The following GRAMD1C variants were observed in gnomAD, a reference collection of about 807,000 sequenced individuals.
GRAMD1C encodes protein Aster-C.
GRAMD1C carries 89 observed loss-of-function variants against 97.8 expected under a neutral mutation model. That is an observed-to-expected ratio of 0.91 (90% CI 0.77 to 1.09). The LOEUF (loss-of-function observed/expected upper bound fraction) is 1.09, where lower values mean the gene tolerates loss of function less well. Among genes scored for constraint, GRAMD1C ranks in the 50% least tolerant of loss-of-function variants. The pLI, the probability that GRAMD1C is intolerant of heterozygous loss-of-function variation, is 0.00. For synonymous variants in GRAMD1C, 256 were observed against 267.0 expected (o/e 0.96, Z 0.40); for missense variants, 740 against 766.4 (o/e 0.97, Z 0.41).
At chr3:113,868,976 G>A (rs1934688695) in intron 2 of GRAMD1C, among the ~76,000 whole-genome samples, 1 of 151,272 alleles carries the variant, frequency 6.6e-6, no homozygotes, top group African/African-American at 2.5e-5. Context: ...GCTTGGATTG[G>A]TACAGAGTTT....
chr3:113,927,259 A>G (rs1403978866), intron 10 of GRAMD1C, among the ~76,000 whole-genome samples: 2 of 151,966 alleles, frequency 1.3e-5, no homozygotes, highest in African/African-American at 4.8e-5. Flanking sequence ...GTGAAAAGGG[A>G]AAGTGATGAC....
At chr3:113,879,493 A>G (rs1935180317) in intron 5 of GRAMD1C, among the ~76,000 whole-genome samples, 1 of 151,828 alleles carries the variant, frequency 6.6e-6, no homozygotes, top group Non-Finnish European at 1.5e-5. Flanking sequence ...ACTCTTCACC[A>G]TGTTTGGTCT....
chr3:113,906,737 C>T (rs1272666004), intron 8 of GRAMD1C, among the ~76,000 whole-genome samples: 1 of 152,172 alleles, frequency 6.6e-6, no homozygotes, highest in African/African-American at 2.4e-5. Context: ...CAGGCCTTCA[C>T]ATTCACTCAC....
At chr3:113,843,481 T>A (rs542001893) in intron 1 of GRAMD1C, among the ~76,000 whole-genome samples, 4 of 152,016 alleles carry the variant, frequency 2.6e-5, no homozygotes, top group Admixed American at 6.6e-5. Flanking sequence ...AATTACCCGA[T>A]GGGCCCATAT....
intron 3 of GRAMD1C, among the ~76,000 whole-genome samples, chr3:113,872,112 C>G (rs1225667681): frequency 6.6e-6 from 1 of 151,998 alleles, no homozygotes; most frequent in East Asian, 1.9e-4. Flanking sequence ...GTAATACAGT[C>G]CCATGATAAA....
At chr3:113,884,555 G>A (rs923717625) in intron 6 of GRAMD1C, among the ~76,000 whole-genome samples, 3 of 152,138 alleles carry the variant, frequency 2.0e-5, no homozygotes, top group Non-Finnish European at 2.9e-5. Context: ...ATTAGAGGCC[G>A]GGCGCGGTGG....
intron 15 of GRAMD1C, 154 bp from the exon 16 acceptor site, chr3:113,939,732 A>T: frequency 1.9e-6 from 1 of 536,254 alleles, no homozygotes; most frequent in Non-Finnish European, 3.3e-6. Context: ...TAATTATTTC[A>T]TATAATAAAA....
chr3:113,912,633 T>C (rs1345343275), intron 9 of GRAMD1C, among the ~76,000 whole-genome samples: 3 of 151,746 alleles, frequency 2.0e-5, no homozygotes, highest in African/African-American at 4.8e-5. Context: ...CGCAGGAGGC[T>C]GAAGCAGGAG....
chr3:113,891,813 G>A lies in GRAMD1C; in HGVS notation c.540+8981G>A, dbSNP rs183183437. On this transcript the variant is annotated intron_variant, in intron 6 of 17. Coordinates refer to ENST00000358160, the MANE Select transcript of GRAMD1C (RefSeq NM_017577.5). ...GAGGTAGGAGGATCACTTGAGCCCA[G>A]GAGGCTGAGGCTGCAGTGAGCTGTG... Among the ~76,000 whole-genome samples, 149 of 152,202 alleles carry A rather than the reference G, an allele frequency of 9.8e-4. 2 individuals are homozygous for A. In the East Asian group the frequency reaches 0.024, roughly 25 times the overall value.
intron 2 of GRAMD1C, among the ~76,000 whole-genome samples, chr3:113,865,168 C>A (rs1007488423): frequency 2.0e-5 from 3 of 151,942 alleles, no homozygotes; most frequent in Admixed American, 1.3e-4. Flanking sequence ...TTTATAATAA[C>A]CTGCTCTTTT....
At position 113,897,058 on chromosome 3, in the gene GRAMD1C, T is replaced by C. The variant is rs146076073; in HGVS notation, c.541-3973T>C. Reference sequence around the variant, plus strand: ...AGTGATGAGAGATGTGCCGGGTGCTTAGTAGAATTATTCCACCTGAACAGC... The same window carrying C: ...AGTGATGAGAGATGTGCCGGGTGCTCAGTAGAATTATTCCACCTGAACAGC... On this transcript the variant is annotated intron_variant, in intron 6 of 17. Transcript: ENST00000358160. Among the ~76,000 whole-genome samples the C allele has an allele frequency of 1.6e-3, 246 of 152,294 alleles. 1 individual carries two copies. Among genetic ancestry groups the C allele is most frequent in the Middle Eastern group, 6.8e-3 (2 of 294 alleles).
chr3:113,858,222 C>T (rs894470104), intron 2 of GRAMD1C, among the ~76,000 whole-genome samples: 3 of 151,054 alleles, frequency 2.0e-5, no homozygotes, highest in Non-Finnish European at 3.0e-5. Flanking sequence ...GTCATATTTA[C>T]ATGTGTAGAG....
At chr3:113,895,841 G>T (rs1043102860) in intron 6 of GRAMD1C, among the ~76,000 whole-genome samples, 6 of 152,022 alleles carry the variant, frequency 3.9e-5, no homozygotes, top group Non-Finnish European at 8.8e-5. Context: ...TGTCTAGTTG[G>T]TCACCAAGGT....
intron 2 of GRAMD1C, among the ~76,000 whole-genome samples, chr3:113,865,325 C>T (rs955610424): frequency 1.8e-4 from 28 of 152,048 alleles, no homozygotes; most frequent in African/African-American, 5.8e-4. Context: ...TGAGTGTTGA[C>T]GGGGACAAAC....
At chr3:113,932,826 C>A (rs780594676) in intron 11 of GRAMD1C, among the ~76,000 whole-genome samples, 19 of 152,034 alleles carry the variant, frequency 1.2e-4, no homozygotes, top group Non-Finnish European at 2.2e-4. Flanking sequence ...CCACCTCATT[C>A]TCCCAAGTAG....
chr3:113,921,239 C>T (rs1347615520), intron 10 of GRAMD1C, among the ~76,000 whole-genome samples: 1 of 152,148 alleles, frequency 6.6e-6, no homozygotes, highest in Non-Finnish European at 1.5e-5. Flanking sequence ...AAGGGCATGA[C>T]CTTGTTATTT....
chr3:113,926,012 T>A (rs1380795213), intron 10 of GRAMD1C, among the ~76,000 whole-genome samples: 1 of 152,216 alleles, frequency 6.6e-6, no homozygotes, highest in East Asian at 1.9e-4. Context: ...CCTTGGAGAA[T>A]CTGATGACTA....
chr3:113,853,490 G>A (rs1228143288), intron 2 of GRAMD1C, among the ~76,000 whole-genome samples: 1 of 152,220 alleles, frequency 6.6e-6, no homozygotes, highest in Non-Finnish European at 1.5e-5. Flanking sequence ...TCATAATCAG[G>A]AATTGCAGTG....
chr3:113,914,774 T>C (rs997084797), intron 9 of GRAMD1C, among the ~76,000 whole-genome samples: 3 of 151,442 alleles, frequency 2.0e-5, no homozygotes, highest in Admixed American at 6.6e-5. Flanking sequence ...GGAGCTGGAG[T>C]GGGTTCAAAT....
Sources: gnomAD v4.1 joint callset for allele counts (sites outside exome capture counted in the v4.1 genomes callset) on GRCh38, gnomAD v4.1.1 for gene constraint, MANE v1.5 for transcripts, NCBI Gene and HGNC (gene_info 2026-07-23, HGNC 2026-07-21) for gene names.